Variants in LRRC4C observed in about 807,000 individuals in gnomAD.
LRRC4C encodes the protein leucine rich repeat containing 4C.
In LRRC4C, 5 loss-of-function variants were observed where a neutral mutation model predicts 33.6. The ratio of observed to expected loss-of-function variants is 0.15; its 90% confidence interval spans 0.08 to 0.31. LRRC4C has a LOEUF of 0.31. LRRC4C is among the 10% of genes least tolerant of loss of function. The pLI is 1.00. For missense variants in LRRC4C, 560 were observed against 796.7 expected (o/e 0.70, Z 3.58); for synonymous variants, 329 against 302.0 (o/e 1.09, Z -0.93).
chr11:40,314,886 G>A (rs532538028), intron 4 of LRRC4C, among the ~76,000 whole-genome samples: 2 of 151,970 alleles, frequency 1.3e-5, no homozygotes, highest in Admixed American at 6.6e-5. Context: ...ACAGAAGATA[G>A]TAGAGTCTGG....
At chr11:40,982,323 G>A (rs1852602997) in intron 1 of LRRC4C, among the ~76,000 whole-genome samples, 1 of 152,138 alleles carries the variant, frequency 6.6e-6, no homozygotes. Context: ...TGTTGAAAAG[G>A]AAACAAGAAT....
At chr11:41,230,158 C>T (rs772285879) in intron 1 of LRRC4C, among the ~76,000 whole-genome samples, 6 of 151,996 alleles carry the variant, frequency 3.9e-5, no homozygotes, top group Non-Finnish European at 5.9e-5. Context: ...TCTTGAAAAA[C>T]CTAGTCTACT....
At chr11:40,520,922 A>G (rs1374480702) in intron 3 of LRRC4C, among the ~76,000 whole-genome samples, 4 of 152,170 alleles carry the variant, frequency 2.6e-5, no homozygotes, top group Non-Finnish European at 5.9e-5. Flanking sequence ...ACCCAGGGAT[A>G]TAGGTTATTA....
At chr11:41,293,782 G>C (rs1406924283) in intron 1 of LRRC4C, among the ~76,000 whole-genome samples, 2 of 151,922 alleles carry the variant, frequency 1.3e-5, no homozygotes, top group Admixed American at 1.3e-4. Flanking sequence ...ATTTTTAACA[G>C]AGACAGGTTT....
At chr11:41,317,138 C>T (rs1950819627) in intron 1 of LRRC4C, among the ~76,000 whole-genome samples, 1 of 152,202 alleles carries the variant, frequency 6.6e-6, no homozygotes, top group Non-Finnish European at 1.5e-5. Flanking sequence ...ATTAAATTCC[C>T]AGCTTCACTC....
At chr11:40,321,685 C>T (rs896952060) in intron 3 of LRRC4C, among the ~76,000 whole-genome samples, 1 of 152,164 alleles carries the variant, frequency 6.6e-6, no homozygotes, top group African/African-American at 2.4e-5. Context: ...AGTACATATT[C>T]AATTGAAGTA....
intron 1 of LRRC4C, among the ~76,000 whole-genome samples, chr11:41,282,358 C>G (rs567323156): frequency 1.3e-5 from 2 of 152,118 alleles, no homozygotes; most frequent in Non-Finnish European, 1.5e-5. Context: ...AATTTACCAC[C>G]AAGGAATCAG....
At chr11:41,050,561 TGTTA>T (rs986765996) in intron 1 of LRRC4C, among the ~76,000 whole-genome samples, 14 of 152,134 alleles carry the variant, frequency 9.2e-5, no homozygotes, top group Non-Finnish European at 1.0e-4. Flanking sequence ...TCTGTTCCTG[TGTTA>T]GTTTGCTGAG....
chr11:41,275,895 G>A (rs10837611), intron 1 of LRRC4C, among the ~76,000 whole-genome samples: 35,894 of 152,032 alleles, frequency 0.24, 4,985 homozygotes, highest in African/African-American at 0.39. Context: ...CTATACAAAC[G>A]TATACACATG....
intron 2 of LRRC4C, among the ~76,000 whole-genome samples, chr11:40,651,694 A>G (rs145010353): frequency 6.1e-4 from 93 of 152,308 alleles, no homozygotes; most frequent in African/African-American, 2.0e-3. Flanking sequence ...AATCTACAGA[A>G]TTTACAACTC....
intron 1 of LRRC4C, among the ~76,000 whole-genome samples, chr11:41,457,640 C>A (rs1031887916): frequency 7.9e-5 from 12 of 152,060 alleles, no homozygotes; most frequent in Non-Finnish European, 1.8e-4. Context: ...AAACAACAGA[C>A]CTCCTTTCTA....
chr11:40,165,023 T>C (rs1859469923), intron 5 of LRRC4C, among the ~76,000 whole-genome samples: 1 of 152,208 alleles, frequency 6.6e-6, no homozygotes, highest in South Asian at 2.1e-4. Flanking sequence ...CTCAGGATAA[T>C]TATACAGATT....
chr11:41,035,654 T>G (rs1246524637), intron 1 of LRRC4C, among the ~76,000 whole-genome samples: 2 of 152,102 alleles, frequency 1.3e-5, no homozygotes, highest in Admixed American at 1.3e-4. Flanking sequence ...CACACATATA[T>G]AGACCAATTA....
At chr11:40,650,949 C>A (rs1336268013) in intron 2 of LRRC4C, among the ~76,000 whole-genome samples, 1 of 152,152 alleles carries the variant, frequency 6.6e-6, no homozygotes, top group African/African-American at 2.4e-5. Flanking sequence ...CATCCCTAAA[C>A]TGCACAAGTG....
chr11:40,669,835 C>T (rs1943997491), intron 2 of LRRC4C, among the ~76,000 whole-genome samples: 1 of 152,226 alleles, frequency 6.6e-6, no homozygotes, highest in Non-Finnish European at 1.5e-5. Context: ...TTCTATCTGA[C>T]TGATACAGAA....
chr11:41,078,073 A>G (rs777551207), intron 1 of LRRC4C, among the ~76,000 whole-genome samples: 12 of 152,142 alleles, frequency 7.9e-5, no homozygotes, highest in Non-Finnish European at 1.2e-4. Context: ...TCAGTTCCCA[A>G]TAATTTCCTC....
chr11:40,857,997 C>A (rs376126634), intron 2 of LRRC4C, among the ~76,000 whole-genome samples: 2 of 63,616 alleles, frequency 3.1e-5, no homozygotes, highest in African/African-American at 5.3e-5. Flanking sequence ...GGGACAGGGA[C>A]AGGGACAGGG....
chr11:40,490,866 C>T (rs571077331), intron 3 of LRRC4C, among the ~76,000 whole-genome samples: 1 of 152,106 alleles, frequency 6.6e-6, no homozygotes, highest in Non-Finnish European at 1.5e-5. Context: ...GGAGAAAGCT[C>T]ATAAAGAGTA....
chr11:40,784,648 A>C (rs1346130712), intron 2 of LRRC4C, among the ~76,000 whole-genome samples: 5 of 152,344 alleles, frequency 3.3e-5, no homozygotes, highest in African/African-American at 1.2e-4. Flanking sequence ...TTACAGAAAT[A>C]TATGTGTTGA....
Sources: gnomAD v4.1 joint callset for allele counts (sites outside exome capture counted in the v4.1 genomes callset) on GRCh38, gnomAD v4.1.1 for gene constraint, MANE v1.5 for transcripts, NCBI Gene and HGNC (gene_info 2026-07-23, HGNC 2026-07-21) for gene names.